Variants in GSAP observed in about 807,000 individuals in gnomAD.
GSAP encodes the protein gamma-secretase activating protein.
In GSAP, 118 loss-of-function variants were observed where a neutral mutation model predicts 131.7. The ratio of observed to expected loss-of-function variants is 0.90; its 90% CI spans 0.77 to 1.04. GSAP has a LOEUF of 1.04. Ranked by LOEUF, GSAP falls within the 50% of genes least tolerant of loss-of-function variation. GSAP has a pLI of 0.00. For missense variants in GSAP, 1,019 were observed against 1,013.2 expected, an observed-to-expected ratio of 1.01 and a Z score of -0.08; for synonymous variants, 381 against 363.4, an observed-to-expected ratio of 1.05 and a Z score of -0.55.
At chr7:77,355,787 G>GTTTTT (rs11353263) in intron 14 of GSAP, 140 bp from the exon 15 acceptor site, 432 of 294,448 alleles carry the variant, frequency 1.5e-3, no homozygotes, top group South Asian at 4.7e-3. Context: ...ATGACAGCCC[G>GTTTTT]TTTTTTTTTT....
intron 16 of GSAP, 42 bp from the exon 17 acceptor site, chr7:77,353,683 C>T: frequency 8.3e-7 from 1 of 1,209,656 alleles, no homozygotes; most frequent in South Asian, 1.2e-5. Context: ...TTTAAATCTG[C>T]TCTCTGCCTC....
chr7:77,322,539 A>G (rs1787794037), intron 24 of GSAP, among the ~76,000 whole-genome samples: 1 of 152,060 alleles, frequency 6.6e-6, no homozygotes, highest in Non-Finnish European at 1.5e-5. Context: ...GTCAACAGAA[A>G]TAAAGGTGAT....
chr7:77,407,087 T>G lies in GSAP; in HGVS notation c.110-982A>C, dbSNP rs140089750. Reference sequence around the variant, plus strand: ...TACAGGGCATTGACCACACACCAAGTCGGATTTGGGGAGGGCAGCTTTCTC... The same window carrying G: ...TACAGGGCATTGACCACACACCAAGGCGGATTTGGGGAGGGCAGCTTTCTC... On this transcript the variant is annotated intron_variant, in intron 1 of 30. Transcript: ENST00000257626. 6.3e-3 allele frequency among the ~76,000 whole-genome samples: 962 copies of G among 152,280 alleles called. 9 individuals carry two copies. Among genetic ancestry groups the G allele is most frequent in the African/African-American group, 0.016 (662 of 41,556 alleles).
chr7:77,375,099 A>C lies in GSAP; in HGVS notation c.744T>G (p.Phe248Leu). 2.6e-6 allele frequency: 4 copies of C among 1,557,144 alleles called. No individual in the cohort carries two copies. The highest frequency in any genetic ancestry group is 2.6e-6 in the Non-Finnish European group (3 of 1,135,416). ...TTAATGATATGTCCAAGGGTACTTCAAACTGTCAAAAAAATCAAAGAAAAT... is the reference window on the plus strand; with the variant it reads ...TTAATGATATGTCCAAGGGTACTTCCAACTGTCAAAAAAATCAAAGAAAAT... ...FYADESYNLM[F>L]EVPLDISLSN... The change falls in exon 11 of 31, where the codon TTT becomes TTG. Residue 248 changes from phenylalanine to leucine, a missense_variant and splice_region_variant. Transcript: ENST00000257626.
At chr7:77,374,951 A>G (rs1374740364) in intron 11 of GSAP, 107 bp downstream of exon 11, 3 of 554,774 alleles carry the variant, frequency 5.4e-6, no homozygotes, top group Non-Finnish European at 9.6e-6. Context: ...AGATGCACAC[A>G]GAATATCAAA....
intron 5 of GSAP, among the ~76,000 whole-genome samples, 162 bp downstream of exon 5, chr7:77,396,820 T>A (rs1488074692): frequency 2.9e-5 from 4 of 140,220 alleles, no homozygotes; most frequent in African/African-American, 9.9e-5. Context: ...AAAAAAAAAT[T>A]TTTTTTAAGT....
chr7:77,382,610 G>T lies in GSAP; in HGVS notation c.490C>A (p.Pro164Thr). The change falls in exon 7 of 31, where the codon CCA becomes ACA. Residue 164 changes from proline (P) to threonine (T), a missense_variant. Physicochemically the swap from Pro to Thr is conservative, Grantham distance 38. Coordinates refer to ENST00000257626, the MANE Select transcript of GSAP (RefSeq NM_017439.4). ...LYPHIESHPL[P>T]ENHLLLISEE... is the part of the protein sequence containing the mutation. ...GAAATCAGTAACAGATGGTTCTCTGGAAGAGGATGACTTTCAATATGTGGG... is the reference window on the plus strand; with the variant it reads ...GAAATCAGTAACAGATGGTTCTCTGTAAGAGGATGACTTTCAATATGTGGG... 2 of 1,571,632 alleles carry T rather than the reference G, an allele frequency of 1.3e-6. No homozygotes were observed. The highest frequency in any genetic ancestry group is 1.8e-6 in the Non-Finnish European group (2 of 1,141,520).
intron 19 of GSAP, among the ~76,000 whole-genome samples, chr7:77,339,777 A>G (rs929754806): frequency 6.6e-6 from 1 of 152,202 alleles, no homozygotes; most frequent in African/African-American, 2.4e-5. Flanking sequence ...GTTCCTAAGC[A>G]AAGCTAAATC....
chr7:77,397,168 A>T lies in GSAP; in HGVS notation c.314-133T>A. 3 of 696,706 alleles carry T rather than the reference A, an allele frequency of 4.3e-6. No homozygotes were observed. In the South Asian group the frequency reaches 5.7e-5, roughly 13 times the overall value. 43.2% of individuals were successfully genotyped at this position (696,706 alleles called of 1,614,324 possible). A position where few individuals can be genotyped will look rare whatever the true frequency, so the allele number is the denominator to read the frequency against. On this transcript the variant is annotated intron_variant, in intron 4 of 30. Coordinates refer to ENST00000257626, the MANE Select transcript of GSAP (RefSeq NM_017439.4). ...GGAAGATAAGGGCAGAACACAAAGC[A>T]TTCTTTTTTGTAGGTATATCCTCTA...
At chr7:77,366,765 G>A (rs1413294565) in intron 12 of GSAP, among the ~76,000 whole-genome samples, 1 of 152,122 alleles carries the variant, frequency 6.6e-6, no homozygotes, top group African/African-American at 2.4e-5. Flanking sequence ...GTTCTGTGAA[G>A]AATATTGATA....
chr7:77,395,684 A>G (rs1047350095), intron 5 of GSAP, among the ~76,000 whole-genome samples: 2 of 152,130 alleles, frequency 1.3e-5, no homozygotes, highest in Admixed American at 6.5e-5. Context: ...GGCCCCCAAG[A>G]AGGTCCCTTG....
chr7:77,314,561 T>G (rs954299109), intron 26 of GSAP, 72 bp from the exon 27 acceptor site: 1 of 1,569,502 alleles, frequency 6.4e-7, no homozygotes, highest in Non-Finnish European at 8.7e-7. Flanking sequence ...ATGGATTAGA[T>G]CATGTTAATA....
In GSAP at chr7:77,355,610, G is replaced by A. The variant is rs776770147; in HGVS notation, c.1065C>T (p.Phe355=). The A allele has an allele frequency of 6.2e-7, 1 of 1,607,794 alleles. No homozygotes were observed. The highest frequency in any genetic ancestry group is 1.1e-5 in the South Asian group (1 of 90,904). ...YVAVYLPGHF[F]HLLNVQHPDL... ...CTGGATGTTGAACATTAAGTAGGTG[G>A]AAGAAATGACCAGGTAAGTAAACAG... The change falls in exon 15 of 31, where the codon TTC becomes TTT. Residue 355 remains phenylalanine (F), a synonymous_variant. Coordinates refer to ENST00000257626, the MANE Select transcript of GSAP (RefSeq NM_017439.4).
rs535483163 is a variant in GSAP at position 77,333,923 on chromosome 7, T to G, written c.1546-3556A>C. On this transcript the variant is annotated intron_variant, in intron 19 of 30. Transcript: ENST00000257626. The stretch of plus-strand genomic sequence containing the variant: ...ATGAGACTGGTCAAGAAACAACAGA[T>G]GCTGGTGAGGCTGTGGAGAAATAGA... 3.0e-4 allele frequency among the ~76,000 whole-genome samples: 46 copies of G among 152,248 alleles called. 1 individual carries two copies. The highest frequency in any genetic ancestry group is 7.7e-4 in the African/African-American group (32 of 41,556).
intron 3 of GSAP, among the ~76,000 whole-genome samples, chr7:77,397,877 A>T (rs1009529912): frequency 5.3e-5 from 8 of 152,202 alleles, no homozygotes; most frequent in African/African-American, 1.9e-4. Flanking sequence ...GTAATTACTG[A>T]GGTAATTAAT....
At chr7:77,402,223 T>C (rs1027850324) in intron 3 of GSAP, among the ~76,000 whole-genome samples, 9 of 151,208 alleles carry the variant, frequency 6.0e-5, no homozygotes, top group Admixed American at 1.3e-4. Context: ...TTCCTCATGG[T>C]GGCACCTTTC....
At chr7:77,314,238 C>G (rs1794727307) in intron 27 of GSAP, 132 bp downstream of exon 27, 3 of 822,968 alleles carry the variant, frequency 3.6e-6, no homozygotes, top group South Asian at 3.3e-5. Flanking sequence ...TGTAATGCAG[C>G]ATTAAACTGA....
At chr7:77,366,690 C>T (rs1036771858) in intron 12 of GSAP, among the ~76,000 whole-genome samples, 1 of 152,092 alleles carries the variant, frequency 6.6e-6, no homozygotes, top group African/African-American at 2.4e-5. Flanking sequence ...GTTCTTTTTG[C>T]TTAGGTGTAC....
intron 8 of GSAP, 90 bp downstream of exon 8, chr7:77,381,215 T>C (rs1797746321): frequency 3.3e-6 from 2 of 606,230 alleles, no homozygotes; most frequent in Non-Finnish European, 5.7e-6. Context: ...AAACATTATA[T>C]ATCAATAACA....
Sources: allele counts gnomAD v4.1 joint callset (sites outside exome capture counted in the v4.1 genomes callset), GRCh38; gene constraint gnomAD v4.1.1; transcripts MANE v1.5; gene names NCBI Gene and HGNC (gene_info 2026-07-23, HGNC 2026-07-21).